GRID1: variants seen among roughly 807,000 people sequenced by gnomAD.
GRID1 encodes the protein glutamate receptor ionotropic, delta-1.
GRID1 carries 28 observed loss-of-function variants against 98.0 expected under a neutral mutation model. That is an observed-to-expected ratio of 0.29 (90% CI 0.21 to 0.39). The LOEUF (loss-of-function observed/expected upper bound fraction) is 0.39. Ranked by LOEUF, GRID1 falls within the 10% of genes least tolerant of loss-of-function variation. The pLI is 1.00. For synonymous variants in GRID1, 553 were observed against 538.5 expected, an observed-to-expected ratio of 1.03 and a Z score of -0.37; for missense variants, 1,111 against 1,340.5, an observed-to-expected ratio of 0.83 and a Z score of 2.67.
At chr10:85,786,178 A>G (rs1319362899) in intron 8 of GRID1, among the ~76,000 whole-genome samples, 1 of 152,190 alleles carries the variant, frequency 6.6e-6, no homozygotes, top group Non-Finnish European at 1.5e-5. Context: ...GACCTGATTC[A>G]TGAAGGGAAA....
At chr10:85,938,588 ATGCCAC>A (rs1350930977) in intron 4 of GRID1, among the ~76,000 whole-genome samples, 7 of 152,210 alleles carry the variant, frequency 4.6e-5, no homozygotes, top group Non-Finnish European at 1.0e-4. Flanking sequence ...ACATCATAAA[ATGCCAC>A]GATACAAACG....
chr10:86,051,644 T>A (rs1034581927), intron 4 of GRID1, among the ~76,000 whole-genome samples: 1 of 152,176 alleles, frequency 6.6e-6, no homozygotes, highest in Non-Finnish European at 1.5e-5. Flanking sequence ...TGAACACATG[T>A]CTCGCAGAAA....
chr10:85,638,499 T>C (rs556775493), intron 13 of GRID1, among the ~76,000 whole-genome samples: 2 of 152,290 alleles, frequency 1.3e-5, no homozygotes, highest in East Asian at 1.9e-4. Context: ...AGAATAGTTA[T>C]ATGGATCAAT....
chr10:86,325,358 G>A (rs926556335), intron 2 of GRID1, among the ~76,000 whole-genome samples: 4 of 152,074 alleles, frequency 2.6e-5, no homozygotes, highest in Middle Eastern at 3.2e-3. Flanking sequence ...ACCATCCTGC[G>A]GCCAGCAGGA....
At chr10:85,645,916 G>A (rs983671037) in intron 13 of GRID1, 4 of 152,296 alleles carry the variant, frequency 2.6e-5, no homozygotes, top group African/African-American at 9.6e-5. Flanking sequence ...CCAAAGCAAA[G>A]GGGGACTCAG....
At chr10:86,106,493 T>G (rs1440310920) in intron 4 of GRID1, among the ~76,000 whole-genome samples, 2 of 150,730 alleles carry the variant, frequency 1.3e-5, no homozygotes, top group Non-Finnish European at 3.0e-5. Context: ...CTGCTTCAGG[T>G]GTGGGGATGG....
intron 5 of GRID1, among the ~76,000 whole-genome samples, chr10:85,879,609 C>T (rs1227038088): frequency 2.0e-5 from 3 of 151,956 alleles, no homozygotes; most frequent in African/African-American, 7.3e-5. Context: ...ATCTCTGGGA[C>T]ACATTCAAAG....
chr10:86,017,480 C>T (rs113754761), intron 4 of GRID1, among the ~76,000 whole-genome samples: 2 of 152,304 alleles, frequency 1.3e-5, no homozygotes, highest in African/African-American at 4.8e-5. Flanking sequence ...GACAGAACTA[C>T]GCACCAGGCT....
chr10:85,655,986 T>A (rs761866458), intron 12 of GRID1, among the ~76,000 whole-genome samples: 85 of 148,416 alleles, frequency 5.7e-4, no homozygotes, highest in Non-Finnish European at 9.0e-4. Flanking sequence ...CTTCTCTCTC[T>A]CAAAAAAAAA....
intron 3 of GRID1, among the ~76,000 whole-genome samples, chr10:86,180,236 G>C (rs1231205829): frequency 6.6e-6 from 1 of 152,134 alleles, no homozygotes; most frequent in Non-Finnish European, 1.5e-5. Context: ...CACCATGCCT[G>C]GGGCCCGCAG....
intron 5 of GRID1, among the ~76,000 whole-genome samples, chr10:85,872,090 G>A (rs966004320): frequency 6.6e-6 from 1 of 152,164 alleles, no homozygotes; most frequent in Non-Finnish European, 1.5e-5. Context: ...AGCTGAGCCT[G>A]GATGTGCATG....
At chr10:86,253,032 T>A (rs1262341354) in intron 2 of GRID1, among the ~76,000 whole-genome samples, 1 of 152,264 alleles carries the variant, frequency 6.6e-6, no homozygotes, top group Non-Finnish European at 1.5e-5. Context: ...TCATGTTAAA[T>A]TTAAAATGAG....
At chr10:86,077,250 A>C (rs1439916618) in intron 4 of GRID1, among the ~76,000 whole-genome samples, 1 of 137,016 alleles carries the variant, frequency 7.3e-6, no homozygotes, top group Non-Finnish European at 1.6e-5. Flanking sequence ...CTGCACAGTG[A>C]TACTCAGTGG....
chr10:85,867,651 C>A (rs1444804610), intron 6 of GRID1, among the ~76,000 whole-genome samples: 1 of 152,256 alleles, frequency 6.6e-6, no homozygotes, highest in East Asian at 1.9e-4. Context: ...AACGTAAACT[C>A]TTGCCTTTCA....
intron 4 of GRID1, among the ~76,000 whole-genome samples, chr10:86,076,091 G>A (rs1025688788): frequency 6.6e-6 from 1 of 152,184 alleles, no homozygotes; most frequent in Admixed American, 6.5e-5. Flanking sequence ...TCTGGGAAAG[G>A]CTCACCTATT....
intron 4 of GRID1, among the ~76,000 whole-genome samples, chr10:86,045,959 G>A (rs1843417495): frequency 6.6e-6 from 1 of 152,166 alleles, no homozygotes; most frequent in Non-Finnish European, 1.5e-5. Context: ...ATGGACTTGA[G>A]CAGGGGATTT....
At chr10:86,097,542 T>G (rs941041592) in intron 4 of GRID1, among the ~76,000 whole-genome samples, 7 of 152,218 alleles carry the variant, frequency 4.6e-5, no homozygotes, top group Non-Finnish European at 1.0e-4. Context: ...TGTCTGTCTA[T>G]CTATCATCTA....
chr10:86,197,540 G>A (rs995711728), intron 3 of GRID1, among the ~76,000 whole-genome samples: 1 of 152,052 alleles, frequency 6.6e-6, no homozygotes, highest in African/African-American at 2.4e-5. Context: ...GGCAGGAGGG[G>A]GATATCAACA....
intron 4 of GRID1, among the ~76,000 whole-genome samples, chr10:85,970,154 T>A (rs1182970598): frequency 1.3e-5 from 2 of 152,036 alleles, no homozygotes; most frequent in African/African-American, 4.8e-5. Flanking sequence ...TATAACAAGT[T>A]AAGAAATTGA....
Sources: gnomAD v4.1 joint callset for allele counts (sites outside exome capture counted in the v4.1 genomes callset) on GRCh38, gnomAD v4.1.1 for gene constraint, MANE v1.5 for transcripts, NCBI Gene and HGNC (gene_info 2026-07-23, HGNC 2026-07-21) for gene names.